DAG1: variants seen among roughly 807,000 people sequenced by gnomAD.
The protein encoded by DAG1 is dystroglycan 1.
A neutral mutation model predicts 46.1 loss-of-function variants in DAG1; 8 were observed. The observed-to-expected ratio is 0.17, with a 90% CI of 0.10 to 0.31. The LOEUF is 0.31. Among genes scored for constraint, DAG1 ranks in the 10% least tolerant of loss-of-function variants. The pLI is 1.00. For missense variants in DAG1, 1,003 were observed against 1,189.9 expected (o/e 0.84, Z 2.31); for synonymous variants, 495 against 481.8 (o/e 1.03, Z -0.36).
intron 2 of DAG1, among the ~76,000 whole-genome samples, chr3:49,529,356 G>A (rs1445999213): frequency 2.6e-5 from 4 of 152,144 alleles, no homozygotes; most frequent in African/African-American, 9.7e-5. Context: ...TTTTTGCTGG[G>A]TGTAGGAAAC....
intron 1 of DAG1, among the ~76,000 whole-genome samples, chr3:49,508,544 G>A (rs761965479): frequency 7.2e-5 from 11 of 152,030 alleles, no homozygotes; most frequent in Admixed American, 4.6e-4. Context: ...GACTTCAGGC[G>A]TGCACCACCA....
chr3:49,473,862 G>T (rs1355035630), intron 1 of DAG1, among the ~76,000 whole-genome samples: 1 of 151,210 alleles, frequency 6.6e-6, no homozygotes, highest in Non-Finnish European at 1.5e-5. Context: ...GAGATTACAG[G>T]CGTGAGCCAC....
chr3:49,503,678 CAT>C lies in DAG1; in HGVS notation c.-116-6739_-116-6738del, dbSNP rs528517237. Among the ~76,000 whole-genome samples the C allele has an allele frequency of 2.7e-3, 418 of 152,094 alleles. 3 individuals carry two copies. Among genetic ancestry groups the C allele is most frequent in the African/African-American group, 9.3e-3 (387 of 41,506 alleles). Reference sequence around the variant, plus strand: ...GACACTGTCTCTACAGGTACAAAAACATAGCCAGGTGTGGTAGCACATGCCTG... The same window carrying C: ...GACACTGTCTCTACAGGTACAAAAACAGCCAGGTGTGGTAGCACATGCCTG... On this transcript the variant is annotated intron_variant, in intron 1 of 2. Coordinates refer to ENST00000308775, the MANE Select transcript of DAG1 (RefSeq NM_004393.6).
At chr3:49,510,305 A>G (rs1243033990) in intron 1 of DAG1, 114 bp from the exon 2 acceptor site, 5 of 603,150 alleles carry the variant, frequency 8.3e-6, no homozygotes, top group Non-Finnish European at 1.2e-5. Context: ...CCATGGGGGT[A>G]AGAGGCTTGA....
intron 1 of DAG1, among the ~76,000 whole-genome samples, chr3:49,494,233 A>G (rs1336344039): frequency 6.6e-6 from 1 of 152,306 alleles, no homozygotes; most frequent in East Asian, 1.9e-4. Flanking sequence ...ACCACTTTAA[A>G]CACTGAAGAT....
intron 1 of DAG1, among the ~76,000 whole-genome samples, chr3:49,501,467 A>G (rs187100382): frequency 7.2e-5 from 11 of 152,252 alleles, no homozygotes; most frequent in Non-Finnish European, 1.5e-4. Context: ...GCTCTCCCAC[A>G]ACTTATAGTC....
intron 2 of DAG1, among the ~76,000 whole-genome samples, chr3:49,516,509 G>T (rs747966359): frequency 6.6e-6 from 1 of 152,182 alleles, no homozygotes; most frequent in Non-Finnish European, 1.5e-5. Flanking sequence ...TTGGAAAGTG[G>T]CCCCACCCTG....
chr3:49,482,861 C>G (rs1317769251), intron 1 of DAG1, among the ~76,000 whole-genome samples: 2 of 152,070 alleles, frequency 1.3e-5, no homozygotes, highest in South Asian at 2.1e-4. Context: ...GATTTCCCCC[C>G]CAGGCATCCT....
At chr3:49,507,480 T>A (rs2050635815) in intron 1 of DAG1, among the ~76,000 whole-genome samples, 1 of 152,118 alleles carries the variant, frequency 6.6e-6, no homozygotes, top group Non-Finnish European at 1.5e-5. Flanking sequence ...GGAGAATTGT[T>A]TGAACCTGGG....
At chr3:49,500,373 A>G (rs2050416281) in intron 1 of DAG1, among the ~76,000 whole-genome samples, 1 of 152,070 alleles carries the variant, frequency 6.6e-6, no homozygotes, top group Non-Finnish European at 1.5e-5. Flanking sequence ...GGAGGAAGGG[A>G]GTGCCTGGTC....
At chr3:49,476,330 C>T (rs1029149051) in intron 1 of DAG1, among the ~76,000 whole-genome samples, 2 of 152,174 alleles carry the variant, frequency 1.3e-5, no homozygotes, top group African/African-American at 4.8e-5. Flanking sequence ...TGGCTCACAC[C>T]TGTAATCCCA....
chr3:49,510,146 GCAAT>G, intron 1 of DAG1: 1 of 442,740 alleles, frequency 2.3e-6, no homozygotes, highest in East Asian at 3.5e-5. Context: ...ATTTCAGTTT[GCAAT>G]CAATATTTTA....
chr3:49,508,500 G>A (rs1380535946), intron 1 of DAG1, among the ~76,000 whole-genome samples: 1 of 152,124 alleles, frequency 6.6e-6, no homozygotes, highest in Non-Finnish European at 1.5e-5. Context: ...CCAGGTTCAA[G>A]GGATTCTCCT....
At chr3:49,506,767 T>G (rs1350920994) in intron 1 of DAG1, among the ~76,000 whole-genome samples, 1 of 152,078 alleles carries the variant, frequency 6.6e-6, no homozygotes, top group East Asian at 1.9e-4. Flanking sequence ...GTCTATAGTT[T>G]TGTTGTAATA....
intron 1 of DAG1, among the ~76,000 whole-genome samples, chr3:49,474,390 G>A (rs931696107): frequency 4.0e-5 from 6 of 151,108 alleles, no homozygotes; most frequent in Non-Finnish European, 5.9e-5. Flanking sequence ...CCTTTGCCCA[G>A]TGTGGAGTGA....
At chr3:49,479,003 C>T (rs147754508) in intron 1 of DAG1, among the ~76,000 whole-genome samples, 21 of 151,682 alleles carry the variant, frequency 1.4e-4, no homozygotes, top group African/African-American at 4.1e-4. Flanking sequence ...TCAGTAGAGA[C>T]GAGGTTTTAC....
chr3:49,477,539 C>T (rs939789850), intron 1 of DAG1, among the ~76,000 whole-genome samples: 5 of 152,132 alleles, frequency 3.3e-5, no homozygotes, highest in East Asian at 1.9e-4. Flanking sequence ...ACGATCCTCC[C>T]GCCTCAGCCT....
chr3:49,485,669 T>C (rs1179901815), intron 1 of DAG1, among the ~76,000 whole-genome samples: 1 of 144,560 alleles, frequency 6.9e-6, no homozygotes, highest in African/African-American at 2.5e-5. Context: ...TTTTTTTTTT[T>C]TTTTTTTTTT....
chr3:49,485,765 A>G (rs1428805368), intron 1 of DAG1, among the ~76,000 whole-genome samples: 1 of 149,168 alleles, frequency 6.7e-6, no homozygotes, highest in African/African-American at 2.5e-5. Flanking sequence ...GGCTTAAGCA[A>G]TCCTCCTGCC....
Sources: gnomAD v4.1 joint callset for allele counts (sites outside exome capture counted in the v4.1 genomes callset) on GRCh38, gnomAD v4.1.1 for gene constraint, MANE v1.5 for transcripts, NCBI Gene and HGNC (gene_info 2026-07-23, HGNC 2026-07-21) for gene names.